Variants in ZFHX3 observed in about 807,000 individuals in gnomAD.
ZFHX3 encodes the protein zinc finger homeobox 3.
A neutral mutation model predicts 279.1 loss-of-function variants in ZFHX3; 42 were observed. The observed-to-expected ratio is 0.15, with a 90% CI of 0.12 to 0.19. The LOEUF is 0.19. ZFHX3 is among the 10% of genes least tolerant of loss of function. The pLI, the probability that ZFHX3 is intolerant of heterozygous loss-of-function variation, is 1.00. For missense variants in ZFHX3, 4,981 were observed against 4,754.0 expected (o/e 1.05, Z -1.40); for synonymous variants, 2,293 against 1,957.8 (o/e 1.17, Z -4.52).
chr16:73,795,603 G>A (rs1284995264), intron 1 of ZFHX3, among the ~76,000 whole-genome samples: 2 of 152,074 alleles, frequency 1.3e-5, no homozygotes, highest in Non-Finnish European at 2.9e-5. Context: ...TTGTCCCTAG[G>A]AAGAGCAGTA....
chr16:73,686,751 C>T (rs2053089216), intron 1 of ZFHX3, among the ~76,000 whole-genome samples: 1 of 151,948 alleles, frequency 6.6e-6, no homozygotes, highest in Non-Finnish European at 1.5e-5. Context: ...GTGTGAGACC[C>T]ACTAGAATAG....
chr16:73,260,684 T>TG (rs1489405717), intron 4 of ZFHX3, among the ~76,000 whole-genome samples: 19 of 45,000 alleles, frequency 4.2e-4, no homozygotes, highest in Non-Finnish European at 1.2e-3. Flanking sequence ...TATCTGGTTT[T>TG]TTTTTTTTTT....
intron 3 of ZFHX3, among the ~76,000 whole-genome samples, chr16:72,902,465 C>T (rs2039063249): frequency 6.6e-6 from 1 of 152,222 alleles, no homozygotes; most frequent in African/African-American, 2.4e-5. Context: ...ATAAACAGAT[C>T]AGCCCTTAAT....
chr16:73,058,595 T>C (rs973701146), exon 1 of ZFHX3: 29 of 217,598 alleles, frequency 1.3e-4, no homozygotes, highest in East Asian at 1.6e-4. Context: ...CGGCGGGAGC[T>C]GGCGGCGCTT....
chr16:73,077,929 C>G (rs1179436992), intron 8 of ZFHX3, among the ~76,000 whole-genome samples: 1 of 152,150 alleles, frequency 6.6e-6, no homozygotes, highest in African/African-American at 2.4e-5. Context: ...CTCAGCCTCC[C>G]GAGGAGCTAG....
intron 5 of ZFHX3, among the ~76,000 whole-genome samples, chr16:73,203,722 A>C (rs774816633): frequency 9.2e-5 from 14 of 152,232 alleles, no homozygotes; most frequent in Non-Finnish European, 1.6e-4. Context: ...AATACTAGCT[A>C]ACACTTACTG....
At chr16:73,839,886 G>A (rs1472690548) in intron 1 of ZFHX3, among the ~76,000 whole-genome samples, 2 of 152,172 alleles carry the variant, frequency 1.3e-5, no homozygotes, top group Non-Finnish European at 2.9e-5. Flanking sequence ...GAGATGCTTG[G>A]TGTACACCAG....
At chr16:73,813,307 G>A (rs1960475479) in intron 1 of ZFHX3, among the ~76,000 whole-genome samples, 1 of 151,480 alleles carries the variant, frequency 6.6e-6, no homozygotes, top group Non-Finnish European at 1.5e-5. Context: ...AGCGAGCCAG[G>A]ATTCTCAACT....
At chr16:73,456,930 G>A (rs1157466275) in intron 2 of ZFHX3, among the ~76,000 whole-genome samples, 2 of 152,220 alleles carry the variant, frequency 1.3e-5, no homozygotes, top group African/African-American at 2.4e-5. Flanking sequence ...CAAGTCAGAG[G>A]AGTGCCCCAA....
At chr16:73,105,399 A>C (rs1368353160) in intron 7 of ZFHX3, among the ~76,000 whole-genome samples, 3 of 124,044 alleles carry the variant, frequency 2.4e-5, no homozygotes, top group South Asian at 2.4e-4. Context: ...ACACACATAT[A>C]TATATATATA....
intron 1 of ZFHX3, among the ~76,000 whole-genome samples, chr16:73,884,039 G>T: frequency 6.6e-6 from 1 of 152,136 alleles, no homozygotes; most frequent in East Asian, 1.9e-4. Context: ...GTCCCAATAC[G>T]TGAACCACAC....
At chr16:73,423,428 C>T (rs1164786963) in intron 3 of ZFHX3, among the ~76,000 whole-genome samples, 1 of 152,192 alleles carries the variant, frequency 6.6e-6, no homozygotes, top group African/African-American at 2.4e-5. Context: ...TTATCCTCCA[C>T]ATTCCACCAC....
At chr16:73,717,892 G>A (rs768924655) in intron 1 of ZFHX3, among the ~76,000 whole-genome samples, 4 of 152,206 alleles carry the variant, frequency 2.6e-5, no homozygotes, top group Non-Finnish European at 4.4e-5. Context: ...CCTCCAGCCT[G>A]TGGCTCTGGT....
intron 4 of ZFHX3, among the ~76,000 whole-genome samples, chr16:73,312,051 G>C (rs559506575): frequency 2.0e-5 from 3 of 152,188 alleles, no homozygotes; most frequent in Non-Finnish European, 4.4e-5. Flanking sequence ...GAATGCAGTG[G>C]TGTGTGACGT....
At position 73,298,963 on chromosome 16, in the gene ZFHX3, C is replaced by T. The variant is rs145359884; in HGVS notation, c.-1194+19277G>A. On this transcript the variant is annotated intron_variant, in intron 4 of 17. Coordinates refer to the ZFHX3 transcript ENST00000641206. Reference sequence around the variant, plus strand: ...TATTTCTTAAAGATCTCAAACAACACCAGTATCTGTGCAGACAGGGAGAAC... The same window carrying T: ...TATTTCTTAAAGATCTCAAACAACATCAGTATCTGTGCAGACAGGGAGAAC... Among the ~76,000 whole-genome samples, 10 of 152,288 alleles carry T rather than the reference C, an allele frequency of 6.6e-5. No homozygotes were observed. The South Asian group carries it at 8.3e-4, about 13-fold the overall frequency.
At chr16:73,458,634 C>A (rs2018418764) in intron 2 of ZFHX3, among the ~76,000 whole-genome samples, 1 of 152,118 alleles carries the variant, frequency 6.6e-6, no homozygotes. Context: ...TTTTGAACTG[C>A]TCTTTAGACC....
rs566271535 is a variant in ZFHX3, at chr16:73,313,150, C to T, written c.-1194+5090G>A. Among the ~76,000 whole-genome samples the T allele has an allele frequency of 3.3e-5, 5 of 152,280 alleles. No homozygotes were observed. In the South Asian group the frequency reaches 6.2e-4, roughly 19 times the overall value. ...AGTGTGTGGCACCTCCCCCTTTTCT[C>T]GCTCTCTCTCCTGCTCCGCCATATT... On this transcript the variant is annotated intron_variant, in intron 4 of 17. Transcript: ENST00000641206.
intron 5 of ZFHX3, among the ~76,000 whole-genome samples, chr16:73,158,569 A>C (rs1179785638): frequency 1.3e-5 from 2 of 152,198 alleles, no homozygotes; most frequent in Non-Finnish European, 2.9e-5. Flanking sequence ...AGCATAAACC[A>C]ACATTGACCC....
Position 73,878,624 on chromosome 16 carries a change from C to CT in ZFHX3, c.-1608+13026dup, listed in dbSNP as rs1340436843. ...AGGGATATTAAATTATCTACTGTTT[C>CT]TTTTTTTTTCTTTTTCTTAAGTCAA... On this transcript the variant is annotated intron_variant, in intron 1 of 17. Transcript: ENST00000641206. Among the ~76,000 whole-genome samples the CT allele has an allele frequency of 2.7e-4, 40 of 150,854 alleles. No homozygotes were observed. The East Asian group carries it at 6.0e-3, about 23-fold the overall frequency.
Sources: gnomAD v4.1 joint callset for allele counts (sites outside exome capture counted in the v4.1 genomes callset) on GRCh38, gnomAD v4.1.1 for gene constraint, MANE v1.5 for transcripts, NCBI Gene and HGNC (gene_info 2026-07-23, HGNC 2026-07-21) for gene names.